The following DENND1A variants were observed in gnomAD, a reference collection of about 807,000 sequenced individuals.
The protein encoded by DENND1A is DENN domain containing 1A, also known as DENN domain-containing protein 1A.
DENND1A carries 51 observed loss-of-function variants against 113.7 expected under a neutral mutation model. The ratio of observed to expected loss-of-function variants is 0.45; its 90% confidence interval spans 0.36 to 0.57. The LOEUF is 0.57. Among genes scored for constraint, DENND1A ranks in the 20% least tolerant of loss-of-function variants. The pLI is 0.00. For missense variants in DENND1A, 1,258 were observed against 1,395.9 expected (o/e 0.90, Z 1.57); for synonymous variants, 565 against 570.8 (o/e 0.99, Z 0.14).
intron 2 of DENND1A, among the ~76,000 whole-genome samples, chr9:123,824,983 A>T (rs764804983): frequency 2.0e-5 from 3 of 152,162 alleles, no homozygotes; most frequent in Non-Finnish European, 4.4e-5. Context: ...GCCTTCTAAG[A>T]AAGAAAGCTT....
At chr9:123,862,944 C>A (rs1845262579) in intron 2 of DENND1A, among the ~76,000 whole-genome samples, 1 of 152,226 alleles carries the variant, frequency 6.6e-6, no homozygotes, top group African/African-American at 2.4e-5. Flanking sequence ...TGTACCTCAA[C>A]TGCAAATACA....
intron 13 of DENND1A, among the ~76,000 whole-genome samples, chr9:123,458,530 A>T (rs1027860606): frequency 1.3e-5 from 2 of 152,138 alleles, no homozygotes; most frequent in African/African-American, 4.8e-5. Context: ...CAACAGTCAG[A>T]TTCTACACCC....
chr9:123,401,659 A>T, intron 21 of DENND1A: 1 of 1,472,448 alleles, frequency 6.8e-7, no homozygotes, highest in Non-Finnish European at 9.0e-7. Context: ...GGCATATTAA[A>T]CAAACAACAA....
At chr9:123,684,499 G>A (rs10818854) in intron 5 of DENND1A, among the ~76,000 whole-genome samples, 8,782 of 152,152 alleles carry the variant, frequency 0.058, 296 homozygotes, top group South Asian at 0.089. Flanking sequence ...ATTATACTCA[G>A]CCAGCAAGCA....
chr9:123,569,779 CG>C (rs1321057915), intron 12 of DENND1A, among the ~76,000 whole-genome samples: 1 of 152,116 alleles, frequency 6.6e-6, no homozygotes, highest in East Asian at 1.9e-4. Context: ...TATCAGTAGA[CG>C]TGGGGTGGGG....
intron 3 of DENND1A, among the ~76,000 whole-genome samples, chr9:123,773,044 C>T (rs1022865672): frequency 1.3e-5 from 2 of 152,064 alleles, no homozygotes; most frequent in Admixed American, 6.6e-5. Context: ...CTTTGTGTCA[C>T]CAGACAATTT....
At chr9:123,485,617 A>ACTGTGTGTGTGTGTGCGC (rs1554837261) in intron 13 of DENND1A, 4 of 148,372 alleles carry the variant, frequency 2.7e-5, no homozygotes, top group Non-Finnish European at 6.0e-5. Flanking sequence ...ACCAGGGGAC[A>ACTGTGTGTGTGTGTGCGC]CCGTGTGTGT....
At chr9:123,454,450 C>T (rs932756281) in intron 16 of DENND1A, among the ~76,000 whole-genome samples, 2 of 152,164 alleles carry the variant, frequency 1.3e-5, no homozygotes, top group African/African-American at 4.8e-5. Context: ...AGAAGGAGAA[C>T]CCCCCGAATG....
chr9:123,591,825 G>A (rs935565568), intron 11 of DENND1A, among the ~76,000 whole-genome samples: 1 of 152,114 alleles, frequency 6.6e-6, no homozygotes, highest in African/African-American at 2.4e-5. Context: ...AAGTGCAATG[G>A]GAATAATAAT....
chr9:123,627,338 C>T (rs1318922311), intron 10 of DENND1A, among the ~76,000 whole-genome samples: 1 of 152,194 alleles, frequency 6.6e-6, no homozygotes, highest in Non-Finnish European at 1.5e-5. Flanking sequence ...GTCTTCGACA[C>T]CCAATTGTTT....
At chr9:123,884,802 C>G (rs1230233383) in intron 1 of DENND1A, among the ~76,000 whole-genome samples, 2 of 152,076 alleles carry the variant, frequency 1.3e-5, no homozygotes, top group East Asian at 3.9e-4. Context: ...GACAAAATGA[C>G]CAAGCAGCAG....
intron 13 of DENND1A, among the ~76,000 whole-genome samples, chr9:123,497,366 G>A (rs1174179039): frequency 6.6e-6 from 1 of 152,178 alleles, no homozygotes; most frequent in Non-Finnish European, 1.5e-5. Context: ...CAGGCTGCTG[G>A]AGAGTAGTGG....
At chr9:123,620,244 G>C (rs796997879) in intron 10 of DENND1A, among the ~76,000 whole-genome samples, 2 of 118,952 alleles carry the variant, frequency 1.7e-5, no homozygotes, top group African/African-American at 7.0e-5. Flanking sequence ...AAAAAGAAAA[G>C]AAAAAGAAAA....
At chr9:123,791,756 A>G (rs560309465) in intron 3 of DENND1A, among the ~76,000 whole-genome samples, 1 of 152,338 alleles carries the variant, frequency 6.6e-6, no homozygotes, top group Admixed American at 6.5e-5. Flanking sequence ...TTTACTGTAT[A>G]TGGTATTTCA....
Position 123,928,931 on chromosome 9 carries a change from TA to T in DENND1A, c.17+957del, listed in dbSNP as rs569833546. The T allele has an allele frequency of 1.6e-4, 154 of 975,150 alleles. No homozygotes were observed. The African/African-American group carries it at 2.5e-3, about 16-fold the overall frequency. The allele number at this position is 975,150 out of a possible 1,614,324, so 60.4% of individuals were successfully genotyped here. On this transcript the variant is annotated intron_variant, in intron 1 of 23. Coordinates refer to ENST00000394215, the MANE Select transcript of DENND1A (RefSeq NM_001352964.2). ...TGTCAACTTTGCTTTTTAATGCCCT[TA>T]AACAATTCTATTAGTCACAGAGGAA...
Position 123,519,067 on chromosome 9 carries a change from C to T in DENND1A, c.993+38503G>A, listed in dbSNP as rs574316322. ...TCCCTCCTAGGGGCCGTGTTGCCTCCCTTCTCTGCCTGGAACATTTTCTCC... is the reference window on the plus strand; with the variant it reads ...TCCCTCCTAGGGGCCGTGTTGCCTCTCTTCTCTGCCTGGAACATTTTCTCC... On this transcript the variant is annotated intron_variant, in intron 13 of 23. Coordinates refer to ENST00000394215, the MANE Select transcript of DENND1A (RefSeq NM_001352964.2). 2.0e-5 allele frequency among the ~76,000 whole-genome samples: 3 copies of T among 152,308 alleles called. No individual in the cohort carries two copies. In the South Asian group the frequency reaches 6.2e-4, roughly 32 times the overall value.
At chr9:123,479,065 G>A (rs528113933) in intron 13 of DENND1A, among the ~76,000 whole-genome samples, 2 of 152,158 alleles carry the variant, frequency 1.3e-5, no homozygotes, top group Non-Finnish European at 2.9e-5. Context: ...AGGGTGGGGA[G>A]GTCACATAAA....
chr9:123,523,103 A>C (rs60880386), intron 13 of DENND1A, among the ~76,000 whole-genome samples: 155 of 152,352 alleles, frequency 1.0e-3, no homozygotes, highest in African/African-American at 3.7e-3. Flanking sequence ...TAACATACTT[A>C]ACAAACCAAA....
chr9:123,434,190 C>T (rs772601934), intron 19 of DENND1A, among the ~76,000 whole-genome samples: 21 of 152,154 alleles, frequency 1.4e-4, no homozygotes, highest in Non-Finnish European at 2.5e-4. Flanking sequence ...TCATGCCTGG[C>T]TAATTTTTGT....
Sources: gnomAD v4.1 joint callset for allele counts (sites outside exome capture counted in the v4.1 genomes callset) on GRCh38, gnomAD v4.1.1 for gene constraint, MANE v1.5 for transcripts, NCBI Gene and HGNC (gene_info 2026-07-23, HGNC 2026-07-21) for gene names.